Variants in PPP4R1 observed in about 807,000 individuals in gnomAD.
The protein encoded by PPP4R1 is protein phosphatase 4 regulatory subunit 1.
In PPP4R1, 42 loss-of-function variants were observed where a neutral mutation model predicts 111.2. The ratio of observed to expected loss-of-function variants is 0.38; its 90% CI spans 0.29 to 0.49. The LOEUF (loss-of-function observed/expected upper bound fraction) is 0.49. PPP4R1 is among the 20% of genes least tolerant of loss of function. PPP4R1 has a pLI of 0.97. For synonymous variants in PPP4R1, 409 were observed against 405.5 expected, an observed-to-expected ratio of 1.01 and a Z score of -0.10; for missense variants, 1,012 against 1,161.6, an observed-to-expected ratio of 0.87 and a Z score of 1.87.
At chr18:9,584,659 T>A in intron 7 of PPP4R1, 62 bp downstream of exon 7, 1 of 1,602,552 alleles carries the variant, frequency 6.2e-7, no homozygotes. Context: ...ATATCATGTA[T>A]CAGTACATTA....
upstream of PPP4R1, chr18:9,617,034 T>C (rs1021450196): frequency 6.6e-6 from 1 of 152,356 alleles, no homozygotes; most frequent in Admixed American, 6.5e-5. Context: ...AAGGAGTTTT[T>C]AAACCAGTGT....
intron 2 of PPP4R1, among the ~76,000 whole-genome samples, chr18:9,597,044 G>A (rs575246214): frequency 2.6e-5 from 4 of 152,274 alleles, no homozygotes; most frequent in African/African-American, 9.6e-5. Flanking sequence ...GAAGCAGGAG[G>A]ACTGTTTGAG....
chr18:9,613,906 G>A, intron 2 of PPP4R1: 2 of 194,474 alleles, frequency 1.0e-5, no homozygotes, highest in East Asian at 1.1e-4. Context: ...TTCAAATCCT[G>A]CCCCACCGCT....
intron 2 of PPP4R1, among the ~76,000 whole-genome samples, chr18:9,607,771 TTTTC>T (rs1184908649): frequency 1.1e-4 from 16 of 151,210 alleles, no homozygotes; most frequent in Middle Eastern, 3.4e-3. Context: ...GTTTGGCAGT[TTTTC>T]TTTCTTTCTT....
At position 9,610,824 on chromosome 18, in the gene PPP4R1, A is replaced by G. The variant is rs77692210; in HGVS notation, c.52+3402T>C. ...TACTTACCTTTATAAGTTACTTGAT[A>G]AAAGTTTAAGTTCTAATGAAACTCC... On this transcript the variant is annotated intron_variant, in intron 2 of 19. Coordinates refer to ENST00000400556, the MANE Select transcript of PPP4R1 (RefSeq NM_001042388.3). Among the ~76,000 whole-genome samples the G allele has an allele frequency of 4.0e-3, 611 of 152,066 alleles. 24 individuals are homozygous for G. In the East Asian group the frequency reaches 0.088, roughly 22 times the overall value.
chr18:9,594,860 G>T, intron 3 of PPP4R1, 158 bp downstream of exon 3: 2 of 819,092 alleles, frequency 2.4e-6, no homozygotes, highest in Non-Finnish European at 3.6e-6. Flanking sequence ...GAATAAACAA[G>T]TACAAAACTG....
intron 2 of PPP4R1, chr18:9,613,882 C>A: frequency 5.8e-6 from 1 of 173,636 alleles, no homozygotes; most frequent in Non-Finnish European, 1.2e-5. Context: ...GGCAGAAACA[C>A]ACCCAAACCC....
chr18:9,614,326 GC>G lies in PPP4R1; in HGVS notation c.8-57del, dbSNP rs1199992429. 8.0e-3 allele frequency: 7,347 copies of G among 920,158 alleles called. 1 individual carries two copies. Among genetic ancestry groups the G allele is most frequent in the South Asian group, 0.015 (330 of 22,046 alleles). The allele number at this position is 920,158 out of a possible 1,614,324, so 57.0% of individuals were successfully genotyped here. ...TCAGCGCCCCGGGGCCCGGCGCGAC[GC>G]CCCCCCCCCGCCCGCCTCCCCCCCG... On this transcript the variant is annotated intron_variant, in intron 1 of 19. Coordinates refer to ENST00000400556, the MANE Select transcript of PPP4R1 (RefSeq NM_001042388.3). This position sits in a 1 kb window ranked among gnomAD's most constrained non-coding sequence, Gnocchi z 4.1.
intron 11 of PPP4R1, among the ~76,000 whole-genome samples, chr18:9,568,794 G>A (rs937410788): frequency 2.0e-5 from 3 of 152,186 alleles, no homozygotes; most frequent in African/African-American, 7.2e-5. Context: ...CCAGCATGGT[G>A]GGAGGCCAAG....
chr18:9,558,880 T>C (rs7245068), intron 14 of PPP4R1, among the ~76,000 whole-genome samples: 7,018 of 152,084 alleles, frequency 0.046, 421 homozygotes, highest in African/African-American at 0.13. Context: ...AAGCAAGGGT[T>C]TACCTTGTGT....
intron 15 of PPP4R1, among the ~76,000 whole-genome samples, chr18:9,554,102 T>C (rs182685173): frequency 1.3e-5 from 2 of 152,268 alleles, no homozygotes; most frequent in African/African-American, 4.8e-5. Flanking sequence ...ATTTCATTTA[T>C]GTTGTGGAAC....
intron 6 of PPP4R1, among the ~76,000 whole-genome samples, chr18:9,585,105 C>G (rs1393125115): frequency 6.6e-6 from 1 of 152,116 alleles, no homozygotes; most frequent in African/African-American, 2.4e-5. Flanking sequence ...TCATTTTTGT[C>G]CACAGTTTCC....
chr18:9,599,202 CA>C (rs2067339609), intron 2 of PPP4R1, among the ~76,000 whole-genome samples: 1 of 151,926 alleles, frequency 6.6e-6, no homozygotes, highest in African/African-American at 2.4e-5. Context: ...TATAATAGCA[CA>C]AAGGCAGGAA....
intron 8 of PPP4R1, among the ~76,000 whole-genome samples, chr18:9,583,810 TATA>T (rs1173833345): frequency 6.6e-6 from 1 of 151,424 alleles, no homozygotes; most frequent in Non-Finnish European, 1.5e-5. Context: ...ATATATAACA[TATA>T]ATAATATATC....
chr18:9,614,085 A>C lies in PPP4R1; in HGVS notation c.52+141T>G. On this transcript the variant is annotated intron_variant, in intron 2 of 19. Transcript: ENST00000400556. The surrounding 1 kb of genome is among the most constrained non-coding windows in gnomAD (Gnocchi z 4.1). ...CACGGACGCGAGATTTTCCCCCCCG[A>C]TCGCCACCCCAGCCCGCCTGGGGCC... 11 of 608,550 alleles carry C rather than the reference A, an allele frequency of 1.8e-5. No homozygotes were observed. The highest frequency in any genetic ancestry group is 6.4e-4 in the Middle Eastern group (1 of 1,562). The allele number at this position is 608,550 out of a possible 1,614,324, so 37.7% of individuals were successfully genotyped here. A position where few individuals can be genotyped will look rare whatever the true frequency, so the allele number is the denominator to read the frequency against.
upstream of PPP4R1, chr18:9,615,171 G>T (rs554282552): frequency 1.6e-4 from 24 of 152,412 alleles, no homozygotes; most frequent in African/African-American, 5.5e-4. Flanking sequence ...ATGGTTGACT[G>T]ACAAAGTCAT....
chr18:9,553,219 G>T, intron 16 of PPP4R1, 103 bp downstream of exon 16: 1 of 857,676 alleles, frequency 1.2e-6, no homozygotes, highest in East Asian at 2.7e-5. Flanking sequence ...ATACCACATA[G>T]AAACTTGGAT....
At chr18:9,554,116 G>C (rs1043902955) in intron 15 of PPP4R1, among the ~76,000 whole-genome samples, 1 of 151,740 alleles carries the variant, frequency 6.6e-6, no homozygotes, top group East Asian at 1.9e-4. Flanking sequence ...GTGGAACTCA[G>C]CAAACAACTA....
intron 14 of PPP4R1, among the ~76,000 whole-genome samples, chr18:9,558,146 A>G (rs764497990): frequency 3.9e-5 from 6 of 152,318 alleles, no homozygotes; most frequent in South Asian, 2.1e-4. Context: ...AATTTTACCT[A>G]AAGAGAAACA....
Sources: allele counts gnomAD v4.1 joint callset (sites outside exome capture counted in the v4.1 genomes callset), GRCh38; gene constraint gnomAD v4.1.1; non-coding constraint Gnocchi (gnomAD v3.1); transcripts MANE v1.5; gene names NCBI Gene and HGNC (gene_info 2026-07-23, HGNC 2026-07-21).